ADGRL2: variants seen among roughly 807,000 people sequenced by gnomAD.
ADGRL2 encodes adhesion G protein-coupled receptor L2.
A neutral mutation model predicts 157.4 loss-of-function variants in ADGRL2; 44 were observed. The ratio of observed to expected loss-of-function variants is 0.28; its 90% CI spans 0.22 to 0.36. ADGRL2 has a LOEUF of 0.36. Ranked by LOEUF, ADGRL2 falls within the 10% of genes least tolerant of loss-of-function variation. ADGRL2 has a pLI of 1.00. For missense variants in ADGRL2, 1,510 were observed against 1,768.9 expected (o/e 0.85, Z 2.63); for synonymous variants, 585 against 624.7 (o/e 0.94, Z 0.95).
intron 17 of ADGRL2, among the ~76,000 whole-genome samples, chr1:81,974,699 T>C (rs1322822471): frequency 6.6e-6 from 1 of 152,140 alleles, no homozygotes; most frequent in African/African-American, 2.4e-5. Context: ...GCTGCTAAGC[T>C]CAGACGGATG....
chr1:81,757,501 C>G (rs1464555233), intron 1 of ADGRL2, among the ~76,000 whole-genome samples: 3 of 152,132 alleles, frequency 2.0e-5, no homozygotes, highest in Non-Finnish European at 4.4e-5. Flanking sequence ...GCTAAGTGTT[C>G]AAACTGTGTT....
intron 2 of ADGRL2, among the ~76,000 whole-genome samples, chr1:81,549,767 T>C (rs551902097): frequency 6.6e-6 from 1 of 152,224 alleles, no homozygotes; most frequent in East Asian, 1.9e-4. Context: ...ATCAGACTAA[T>C]GGGCATGAGA....
intron 1 of ADGRL2, among the ~76,000 whole-genome samples, chr1:81,308,144 C>T (rs767877688): frequency 6.6e-6 from 1 of 151,946 alleles, no homozygotes; most frequent in African/African-American, 2.4e-5. Context: ...AGGAATTTGA[C>T]TTATTTATTA....
At chr1:81,966,381 T>G in intron 12 of ADGRL2, 23 bp from the exon 13 acceptor site, 1 of 1,604,776 alleles carries the variant, frequency 6.2e-7, no homozygotes, top group Non-Finnish European at 8.5e-7. Flanking sequence ...TTGTACATCA[T>G]GTGACTATTT....
At chr1:81,372,293 A>G (rs890120255) in intron 1 of ADGRL2, among the ~76,000 whole-genome samples, 1 of 152,240 alleles carries the variant, frequency 6.6e-6, no homozygotes, top group African/African-American at 2.4e-5. Flanking sequence ...AAATCATTCA[A>G]AGAATATTGG....
At chr1:81,442,812 C>T (rs1323397437) in intron 1 of ADGRL2, among the ~76,000 whole-genome samples, 1 of 152,192 alleles carries the variant, frequency 6.6e-6, no homozygotes, top group East Asian at 1.9e-4. Flanking sequence ...CATTTCCCAT[C>T]TACCATTTTA....
intron 1 of ADGRL2, among the ~76,000 whole-genome samples, chr1:81,724,038 TG>T (rs2084426586): frequency 6.6e-6 from 1 of 152,178 alleles, no homozygotes; most frequent in South Asian, 2.1e-4. Context: ...TTACTTTTCT[TG>T]GGCTAAAGAC....
intron 3 of ADGRL2, among the ~76,000 whole-genome samples, chr1:81,608,600 A>G (rs2081480340): frequency 2.6e-5 from 4 of 152,168 alleles, no homozygotes; most frequent in African/African-American, 9.6e-5. Context: ...ATTTAAGAGA[A>G]AGAGGTTTAA....
chr1:81,753,469 C>G (rs975402366), intron 1 of ADGRL2, among the ~76,000 whole-genome samples: 20 of 152,112 alleles, frequency 1.3e-4, no homozygotes, highest in African/African-American at 4.8e-4. Context: ...GGTGGAGACA[C>G]AGAGCCAAAC....
chr1:81,670,780 T>C (rs1349429002), intron 3 of ADGRL2, among the ~76,000 whole-genome samples: 1 of 152,160 alleles, frequency 6.6e-6, no homozygotes, highest in Non-Finnish European at 1.5e-5. Context: ...AATGGCACGA[T>C]CTTGGGTCAC....
intron 1 of ADGRL2, among the ~76,000 whole-genome samples, chr1:81,440,244 G>A (rs1046437586): frequency 6.6e-6 from 1 of 152,182 alleles, no homozygotes; most frequent in African/African-American, 2.4e-5. Flanking sequence ...GCTTTAAACT[G>A]TCTTCAGCTT....
At chr1:81,505,740 CAAA>C (rs59062091) in intron 2 of ADGRL2, among the ~76,000 whole-genome samples, 25 of 85,064 alleles carry the variant, frequency 2.9e-4, no homozygotes, top group African/African-American at 7.5e-4. Context: ...TGTCCTCCTG[CAAA>C]AAAAAAAAAA....
At chr1:81,879,794 TTGAGGCCAGGAGTCC>T (rs1344700437) in intron 2 of ADGRL2, among the ~76,000 whole-genome samples, 1 of 152,066 alleles carries the variant, frequency 6.6e-6, no homozygotes, top group Non-Finnish European at 1.5e-5. Context: ...GGCTGATCAC[TTGAGGCCAGGAGTCC>T]TGAGGCCAGG....
At chr1:81,730,010 A>G (rs2084666420) in intron 1 of ADGRL2, among the ~76,000 whole-genome samples, 1 of 152,236 alleles carries the variant, frequency 6.6e-6, no homozygotes, top group African/African-American at 2.4e-5. Context: ...ATGAGCATCA[A>G]TCACTAAGAC....
chr1:81,656,175 C>T (rs1392009022), intron 3 of ADGRL2, among the ~76,000 whole-genome samples: 2 of 152,160 alleles, frequency 1.3e-5, no homozygotes, highest in Non-Finnish European at 2.9e-5. Flanking sequence ...CAATAACTAC[C>T]TTATGGACTT....
At chr1:81,421,495 G>A (rs1294453591) in intron 1 of ADGRL2, among the ~76,000 whole-genome samples, 1 of 152,182 alleles carries the variant, frequency 6.6e-6, no homozygotes, top group Non-Finnish European at 1.5e-5. Flanking sequence ...TAGATTTATA[G>A]TAGAATACTC....
chr1:81,922,616 A>G (rs1270477571), intron 3 of ADGRL2, among the ~76,000 whole-genome samples: 1 of 152,134 alleles, frequency 6.6e-6, no homozygotes, highest in African/African-American at 2.4e-5. Flanking sequence ...TGGCATATTT[A>G]TGGTATTACT....
intron 2 of ADGRL2, among the ~76,000 whole-genome samples, chr1:81,776,836 T>C (rs2086607755): frequency 1.3e-5 from 2 of 152,192 alleles, no homozygotes; most frequent in Admixed American, 1.3e-4. Flanking sequence ...CTTAGACATA[T>C]TTCTTATGTC....
At chr1:81,310,156 G>A (rs1412384754) in intron 1 of ADGRL2, among the ~76,000 whole-genome samples, 1 of 152,124 alleles carries the variant, frequency 6.6e-6, no homozygotes, top group African/African-American at 2.4e-5. Flanking sequence ...AGCAATGCAT[G>A]TTTAAACGGT....
Sources: allele counts gnomAD v4.1 joint callset (sites outside exome capture counted in the v4.1 genomes callset), GRCh38; gene constraint gnomAD v4.1.1; transcripts MANE v1.5; gene names NCBI Gene and HGNC (gene_info 2026-07-23, HGNC 2026-07-21).